The following PHEX variants were observed in gnomAD, a reference collection of about 807,000 sequenced individuals.
PHEX encodes phosphate regulating endopeptidase X-linked.
Under a neutral mutation model 68.0 loss-of-function variants are expected in PHEX, and 16 were observed. That is an observed-to-expected ratio of 0.24 (90% CI 0.16 to 0.36). The LOEUF is 0.36. PHEX is among the 10% of genes least tolerant of loss of function. PHEX has a pLI of 1.00. For synonymous variants in PHEX, 208 were observed against 205.1 expected (o/e 1.01, Z -0.12); for missense variants, 480 against 575.5 (o/e 0.83, Z 1.70).
At chrX:22,104,857 G>C (rs2285063) in intron 9 of PHEX, among the ~76,000 whole-genome samples, 29,726 of 111,431 alleles carry the variant, frequency 0.27, 3,283 homozygotes, top group African/African-American at 0.42. Context: ...TCTGCGCCAG[G>C]ACTGTTTTCT....
chrX:22,046,698 C>A (rs1401412860), intron 2 of PHEX, among the ~76,000 whole-genome samples: 2 of 109,082 alleles, frequency 1.8e-5, no homozygotes, highest in African/African-American at 6.7e-5. Flanking sequence ...CTCTGAGTAG[C>A]TGGGATTACA....
At position 22,032,819 on chromosome X, in the gene PHEX, T is replaced by C. The variant is rs1161319649; in HGVS notation, c.-187T>C. ...CCAAGGCAACCAATATTTTGGTTTT[T>C]ATAATTTTCATTTGTGAAGAATTAT... On this transcript the variant is annotated 5_prime_UTR_variant, in exon 1 of 22. Coordinates refer to ENST00000379374, the MANE Select transcript of PHEX (RefSeq NM_000444.6). The C allele has an allele frequency of 2.1e-6, 1 of 467,273 alleles. No homozygotes were observed. The highest frequency in any genetic ancestry group is 3.3e-5 in the Admixed American group (1 of 30,524). 38.5% of individuals were successfully genotyped at this position (467,273 alleles called of 1,213,427 possible).
intron 12 of PHEX, among the ~76,000 whole-genome samples, chrX:22,167,128 G>A (rs756145110): frequency 9.9e-5 from 11 of 111,516 alleles, no homozygotes; most frequent in Middle Eastern, 4.7e-3. Context: ...TCTCTTTAGC[G>A]TACTGATTTC....
At chrX:22,167,486 A>G (rs1221434834) in intron 12 of PHEX, among the ~76,000 whole-genome samples, 1 of 99,076 alleles carries the variant, frequency 1.0e-5, no homozygotes, top group Non-Finnish European at 2.0e-5. Context: ...TTAATTTTTT[A>G]ATTTCTTTTT....
intron 20 of PHEX, among the ~76,000 whole-genome samples, chrX:22,231,983 G>C (rs1176758253): frequency 9.0e-6 from 1 of 111,608 alleles, no homozygotes; most frequent in Non-Finnish European, 1.9e-5. Context: ...TGTTCTCACT[G>C]GTTTCAAAGA....
chrX:22,146,361 C>T (rs191882063), intron 12 of PHEX, among the ~76,000 whole-genome samples: 8 of 112,323 alleles, frequency 7.1e-5, no homozygotes, highest in South Asian at 3.7e-4. Flanking sequence ...TAGAAACACA[C>T]GTAATATGTA....
chrX:22,053,289 G>A (rs1236191709), intron 3 of PHEX, among the ~76,000 whole-genome samples: 1 of 111,638 alleles, frequency 9.0e-6, no homozygotes. Context: ...ACTACCAATC[G>A]AAAGAATACC....
intron 15 of PHEX, among the ~76,000 whole-genome samples, chrX:22,205,087 C>A (rs754503492): frequency 1.8e-5 from 2 of 112,209 alleles, no homozygotes; most frequent in South Asian, 7.4e-4. Context: ...TGAAAGAAAA[C>A]AGACACAGGT....
At chrX:22,167,906 C>T (rs1237712576) in intron 12 of PHEX, among the ~76,000 whole-genome samples, 1 of 111,237 alleles carries the variant, frequency 9.0e-6, no homozygotes, top group African/African-American at 3.3e-5. Flanking sequence ...CATATTTTTG[C>T]CTCTGTCTTT....
At chrX:22,037,650 G>A (rs1927087384) in intron 1 of PHEX, among the ~76,000 whole-genome samples, 1 of 110,731 alleles carries the variant, frequency 9.0e-6, no homozygotes, top group Non-Finnish European at 1.9e-5. Context: ...TGGAGTGGGG[G>A]AAGGGAGGAA....
intron 15 of PHEX, among the ~76,000 whole-genome samples, chrX:22,193,583 T>A (rs1417681591): frequency 8.9e-6 from 1 of 112,041 alleles, no homozygotes; most frequent in African/African-American, 3.2e-5. Context: ...AGTCAACATG[T>A]TTTTAGGATT....
At chrX:22,211,986 C>T (rs1347544105) in intron 15 of PHEX, among the ~76,000 whole-genome samples, 1 of 111,732 alleles carries the variant, frequency 8.9e-6, no homozygotes, top group Non-Finnish European at 1.9e-5. Flanking sequence ...ACCCTTGACA[C>T]ATGGGGACTA....
intron 5 of PHEX, among the ~76,000 whole-genome samples, chrX:22,084,195 A>G (rs966213869): frequency 1.8e-5 from 2 of 111,680 alleles, no homozygotes; most frequent in East Asian, 2.8e-4. Flanking sequence ...GGATCTCACT[A>G]TGCTGCCCAG....
intron 10 of PHEX, among the ~76,000 whole-genome samples, chrX:22,112,805 A>G (rs972280589): frequency 6.3e-5 from 7 of 110,642 alleles, no homozygotes; most frequent in Admixed American, 1.9e-4. Flanking sequence ...CGGGGGGCTG[A>G]GGCAGGAGAA....
At chrX:22,167,491 C>CTTTTTTTTT (rs1164658740) in intron 12 of PHEX, among the ~76,000 whole-genome samples, 21 of 84,083 alleles carry the variant, frequency 2.5e-4, no homozygotes, top group African/African-American at 9.5e-4. Context: ...TTTTTAATTT[C>CTTTTTTTTT]TTTTTTTTTT....
intron 11 of PHEX, among the ~76,000 whole-genome samples, chrX:22,122,425 T>A (rs1271830545): frequency 8.9e-6 from 1 of 111,789 alleles, no homozygotes; most frequent in African/African-American, 3.3e-5. Context: ...AAGGGCTTTT[T>A]AATATATTTA....
At chrX:22,039,283 T>A (rs1927167279) in intron 2 of PHEX, among the ~76,000 whole-genome samples, 1 of 112,702 alleles carries the variant, frequency 8.9e-6, no homozygotes, top group African/African-American at 3.2e-5. Flanking sequence ...ATCTCTTTTT[T>A]CTGTCACACG....
chrX:22,185,170 T>G, intron 14 of PHEX, among the ~76,000 whole-genome samples: 1 of 112,085 alleles, frequency 8.9e-6, no homozygotes, highest in Non-Finnish European at 1.9e-5. Context: ...CTATGAGACC[T>G]CTCCTTACCT....
Position 22,221,371 on chromosome X carries a change from G to T in PHEX, c.1769-242G>T, listed in dbSNP as rs145669048. Reference sequence around the variant, plus strand: ...AGACTAGTATATGTAATAAATTGATGAATCTCATTTTTAAGGTGCTCTTTG... The same window carrying T: ...AGACTAGTATATGTAATAAATTGATTAATCTCATTTTTAAGGTGCTCTTTG... On this transcript the variant is annotated intron_variant, in intron 17 of 21. Coordinates refer to ENST00000379374, the MANE Select transcript of PHEX (RefSeq NM_000444.6). 2.7e-5 allele frequency among the ~76,000 whole-genome samples: 3 copies of T among 112,108 alleles called. No homozygotes were observed. The East Asian group carries it at 8.4e-4, about 31-fold the overall frequency.
Sources: gnomAD v4.1 joint callset for allele counts (sites outside exome capture counted in the v4.1 genomes callset) on GRCh38, gnomAD v4.1.1 for gene constraint, MANE v1.5 for transcripts, NCBI Gene and HGNC (gene_info 2026-07-23, HGNC 2026-07-21) for gene names.